The following TDRD9 variants were observed in gnomAD, a reference collection of about 807,000 sequenced individuals.
TDRD9 encodes tudor domain containing 9, also known as ATP-dependent RNA helicase TDRD9.
A neutral mutation model predicts 172.6 loss-of-function variants in TDRD9; 124 were observed. The observed-to-expected ratio is 0.72, with a 90% CI of 0.62 to 0.83. TDRD9 has a LOEUF of 0.83. Among genes scored for constraint, TDRD9 ranks in the 40% least tolerant of loss-of-function variants. The pLI is 0.00. For synonymous variants in TDRD9, 619 were observed against 617.1 expected (o/e 1.00, Z -0.05); for missense variants, 1,479 against 1,714.1 (o/e 0.86, Z 2.42).
rs1566761779 is a variant in TDRD9, at chr14:103,987,157, CACACA to C, written c.1115+838_1115+842del. Among the ~76,000 whole-genome samples, 422 of 150,274 alleles carry C rather than the reference CACACA, an allele frequency of 2.8e-3. 3 individuals are homozygous for C. The highest frequency in any genetic ancestry group is 9.8e-3 in the African/African-American group (401 of 41,080). ...ACACACACACACACACACACACACA[CACACA>C]CCATATGATTGAGCCTTTACAGCAC... is the stretch of plus-strand genomic sequence containing the variant. On this transcript the variant is annotated intron_variant, in intron 8 of 35. Transcript: ENST00000409874.
intron 7 of TDRD9, among the ~76,000 whole-genome samples, chr14:103,975,826 A>C (rs1384671309): frequency 6.6e-6 from 1 of 152,214 alleles, no homozygotes; most frequent in Non-Finnish European, 1.5e-5. Flanking sequence ...GGGAACATTT[A>C]AAATCCTCTC....
intron 5 of TDRD9, among the ~76,000 whole-genome samples, chr14:103,968,401 T>G (rs1164697588): frequency 6.6e-6 from 1 of 152,252 alleles, no homozygotes; most frequent in Non-Finnish European, 1.5e-5. Context: ...TCTGGGATTA[T>G]TTGAATTTCA....
At chr14:103,983,024 C>T (rs1015415340) in intron 7 of TDRD9, among the ~76,000 whole-genome samples, 3 of 151,218 alleles carry the variant, frequency 2.0e-5, no homozygotes, top group African/African-American at 7.3e-5. Context: ...GTAGAGCATG[C>T]CCCCCGCCCC....
At chr14:103,945,724 TTAAAA>T (rs553197329) in intron 1 of TDRD9, among the ~76,000 whole-genome samples, 101 of 152,300 alleles carry the variant, frequency 6.6e-4, no homozygotes, top group African/African-American at 2.2e-3. Context: ...TTTATAAGAC[TTAAAA>T]TGAAATAGGA....
chr14:104,033,975 G>A lies in TDRD9; in HGVS notation c.3525G>A (p.Glu1175=). ...RISKFRCVWI[E]KESINSVIIS... ...TGCCTTTTAGGTGTGTTTGGATTGAGAAGGAGAGCATCAACTCTGTCATTA... is the reference window on the plus strand; with the variant it reads ...TGCCTTTTAGGTGTGTTTGGATTGAAAAGGAGAGCATCAACTCTGTCATTA... Residue 1175 remains glutamate, a synonymous_variant, in exon 31 of 36, where the codon GAG becomes GAA. Transcript: ENST00000409874. 6.5e-7 allele frequency: 1 copy of A among 1,550,150 alleles called. No homozygotes were observed. The highest frequency in any genetic ancestry group is 8.7e-7 in the Non-Finnish European group (1 of 1,145,374).
chr14:103,969,952 G>A (rs1220393678), intron 5 of TDRD9, among the ~76,000 whole-genome samples: 1 of 152,098 alleles, frequency 6.6e-6, no homozygotes, highest in Non-Finnish European at 1.5e-5. Flanking sequence ...TACTGACCTC[G>A]GGTCCTAACC....
At position 103,963,062 on chromosome 14, in the gene TDRD9, G is replaced by A; in HGVS notation, c.323-17G>A. ...ATAAGAAATGGCATTGTATTTGTTTGTTTTGCCTTAATCCAGGTCCAAGGC... is the reference window on the plus strand; with the variant it reads ...ATAAGAAATGGCATTGTATTTGTTTATTTTGCCTTAATCCAGGTCCAAGGC... On this transcript the variant is annotated splice_polypyrimidine_tract_variant and intron_variant, in intron 2 of 35. Coordinates refer to ENST00000409874, the MANE Select transcript of TDRD9 (RefSeq NM_153046.3). 1 of 1,469,276 alleles carries A rather than the reference G, an allele frequency of 6.8e-7. No homozygotes were observed. The highest frequency in any genetic ancestry group is 9.2e-7 in the Non-Finnish European group (1 of 1,085,152). 91.0% of individuals were successfully genotyped at this position (1,469,276 alleles called of 1,614,324 possible). A position where few individuals can be genotyped will look rare whatever the true frequency, so the allele number is the denominator to read the frequency against.
intron 1 of TDRD9, among the ~76,000 whole-genome samples, chr14:103,945,047 A>G (rs1028997514): frequency 2.0e-5 from 3 of 152,218 alleles, no homozygotes; most frequent in South Asian, 2.1e-4. Flanking sequence ...CAGCCTCCAA[A>G]TGTGAAGACA....
chr14:103,967,764 T>C (rs1461364415), intron 5 of TDRD9, among the ~76,000 whole-genome samples: 1 of 152,196 alleles, frequency 6.6e-6, no homozygotes, highest in Non-Finnish European at 1.5e-5. Flanking sequence ...TAGGGTGATA[T>C]ATAATACGGT....
In TDRD9 at chr14:104,026,904, T is replaced by C; in HGVS notation, c.3247T>C (p.Tyr1083His). 6.2e-7 allele frequency: 1 copy of C among 1,613,948 alleles called. No homozygotes were observed. Among genetic ancestry groups the C allele is most frequent in the East Asian group, 2.2e-5 (1 of 44,880 alleles). The change falls in exon 28 of 36, where the codon TAT becomes CAT. Residue 1083 changes from tyrosine to histidine, a missense_variant. Around this residue, in one of 3 missense-constraint regions of TDRD9, gnomAD observed 1,413 missense variants for 1,649.1 expected, o/e 0.86. Coordinates refer to ENST00000409874, the MANE Select transcript of TDRD9 (RefSeq NM_153046.3). ...NIRDVLIQQG[Y>H]AELTEESYES... The stretch of plus-strand genomic sequence containing the variant: ...AAGAGACGTCCTCATCCAGCAGGGC[T>C]ATGCCGAGCTCACGGAGGAGTCCTA...
In TDRD9 at chr14:104,035,143, AG is replaced by A; in HGVS notation, c.3716+88del. ...GTGCCTCTCCTTGCTCCTTTTGGAA[AG>A]AAAGCCTTTATGGAAGCTAGCCATG... On this transcript the variant is annotated intron_variant, in intron 32 of 35. Coordinates refer to ENST00000409874, the MANE Select transcript of TDRD9 (RefSeq NM_153046.3). The A allele has an allele frequency of 4.7e-6, 5 of 1,061,322 alleles. No homozygotes were observed. In the Admixed American group the frequency reaches 6.5e-5, roughly 14 times the overall value. The allele number at this position is 1,061,322 out of a possible 1,614,324, so 65.7% of individuals were successfully genotyped here.
intron 6 of TDRD9, among the ~76,000 whole-genome samples, chr14:103,973,372 C>T (rs574825549): frequency 3.2e-4 from 49 of 152,298 alleles, no homozygotes; most frequent in African/African-American, 1.1e-3. Flanking sequence ...CCCCTTTCCT[C>T]TCCCCCCAAC....
At chr14:104,034,205 T>TG (rs1203478154) in intron 31 of TDRD9, 136 bp downstream of exon 31, 11 of 553,810 alleles carry the variant, frequency 2.0e-5, no homozygotes, top group Non-Finnish European at 3.4e-5. Flanking sequence ...TTTTTTTTTT[T>TG]TTTGAGACAG....
intron 18 of TDRD9, 70 bp downstream of exon 18, chr14:104,006,915 C>A: frequency 1.5e-6 from 2 of 1,328,790 alleles, no homozygotes; most frequent in Non-Finnish European, 2.1e-6. Flanking sequence ...ATACCACAAA[C>A]ATATGAGGTA....
intron 28 of TDRD9, among the ~76,000 whole-genome samples, chr14:104,027,967 GACTTATTTT>G (rs989122743): frequency 6.6e-6 from 1 of 152,010 alleles, no homozygotes; most frequent in African/African-American, 2.4e-5. Flanking sequence ...TTCTGTGCCT[GACTTATTTT>G]ACTTAACATA....
At chr14:103,944,417 C>T (rs904826106) in intron 1 of TDRD9, among the ~76,000 whole-genome samples, 3 of 152,088 alleles carry the variant, frequency 2.0e-5, no homozygotes, top group African/African-American at 7.2e-5. Flanking sequence ...AGCTCAAATA[C>T]CAACTGATTT....
At position 103,965,526 on chromosome 14, in the gene TDRD9, G is replaced by C. The variant is rs768252154; in HGVS notation, c.614G>C (p.Trp205Ser). ...AGGTGGATCAGTAAAGAGCGTGCCT[G>C]GACCCTGGGAGGTGTGGTGGGCTAC... Reference protein sequence around the residue: ...IARWISKERAWTLGGVVGYQV... With the variant: ...IARWISKERASTLGGVVGYQV... Residue 205 changes from tryptophan to serine, a missense_variant, in exon 4 of 36, where the codon TGG becomes TCG. By Grantham distance (177) the Trp-to-Ser change is radical (BLOSUM62 -3). Transcript: ENST00000409874. The C allele has an allele frequency of 4.5e-5, 70 of 1,549,960 alleles. No individual in the cohort carries two copies. The highest frequency in any genetic ancestry group is 4.3e-4 in the South Asian group (36 of 83,970).
chr14:104,045,780 C>T (rs2035755997), intron 34 of TDRD9, among the ~76,000 whole-genome samples: 1 of 152,174 alleles, frequency 6.6e-6, no homozygotes, highest in Admixed American at 6.5e-5. Context: ...CTCTTCCTGT[C>T]TCAAGTACTC....
chr14:104,031,979 T>G (rs1346442606), intron 29 of TDRD9, 38 bp from the exon 30 acceptor site: 2 of 1,402,992 alleles, frequency 1.4e-6, no homozygotes, highest in Non-Finnish European at 1.9e-6. Flanking sequence ...AGTGTTATCT[T>G]GCTTATTGGT....
Sources: allele counts gnomAD v4.1 joint callset (sites outside exome capture counted in the v4.1 genomes callset), GRCh38; gene constraint gnomAD v4.1.1; regional missense constraint gnomAD v4.1.1; transcripts MANE v1.5; gene names NCBI Gene and HGNC (gene_info 2026-07-23, HGNC 2026-07-21).